GRIK2: variants seen among roughly 807,000 people sequenced by gnomAD.
GRIK2 encodes glutamate ionotropic receptor kainate type subunit 2, also known as glutamate receptor ionotropic, kainate 2.
In GRIK2, 32 loss-of-function variants were observed where a neutral mutation model predicts 100.3. That is an observed-to-expected ratio of 0.32 (90% CI 0.24 to 0.43). The LOEUF (loss-of-function observed/expected upper bound fraction) is 0.43. Ranked by LOEUF, GRIK2 falls within the 20% of genes least tolerant of loss-of-function variation. The pLI is 1.00. For synonymous variants in GRIK2, 417 were observed against 389.4 expected (o/e 1.07, Z -0.83); for missense variants, 843 against 1,114.9 (o/e 0.76, Z 3.47).
chr6:101,803,323 A>C (rs1411423426), intron 9 of GRIK2, among the ~76,000 whole-genome samples: 1 of 151,760 alleles, frequency 6.6e-6, no homozygotes, highest in African/African-American at 2.4e-5. Context: ...AGCATATTTG[A>C]ATGCTGATTC....
intron 2 of GRIK2, among the ~76,000 whole-genome samples, chr6:101,590,993 TATC>T (rs1295577587): frequency 2.0e-5 from 3 of 152,012 alleles, no homozygotes; most frequent in African/African-American, 4.8e-5. Flanking sequence ...AAAAATAAAA[TATC>T]ATCCTTTTCT....
At chr6:101,931,203 A>G (rs987346663) in intron 14 of GRIK2, among the ~76,000 whole-genome samples, 2 of 152,156 alleles carry the variant, frequency 1.3e-5, no homozygotes, top group Non-Finnish European at 2.9e-5. Flanking sequence ...AAAAAATTCT[A>G]GCAGTCTGGA....
intron 2 of GRIK2, among the ~76,000 whole-genome samples, chr6:101,578,819 T>G (rs1777908752): frequency 6.6e-6 from 1 of 152,150 alleles, no homozygotes; most frequent in African/African-American, 2.4e-5. Context: ...CAGTGAACAT[T>G]TATTGAATAT....
At chr6:101,867,171 C>A (rs1000532239) in intron 11 of GRIK2, among the ~76,000 whole-genome samples, 1 of 151,770 alleles carries the variant, frequency 6.6e-6, no homozygotes, top group South Asian at 2.1e-4. Flanking sequence ...GCCTGAATTC[C>A]TTTTACGCCC....
chr6:101,584,259 A>G (rs1778238875), intron 2 of GRIK2, among the ~76,000 whole-genome samples: 1 of 152,044 alleles, frequency 6.6e-6, no homozygotes, highest in Non-Finnish European at 1.5e-5. Flanking sequence ...AATAAGGCAA[A>G]CTTTCTCCTC....
chr6:101,407,622 C>G (rs76072422), intron 2 of GRIK2, among the ~76,000 whole-genome samples: 2,166 of 151,890 alleles, frequency 0.014, 51 homozygotes, highest in African/African-American at 0.05. Flanking sequence ...ATGTGTAGCT[C>G]TATCAGCCTC....
intron 14 of GRIK2, among the ~76,000 whole-genome samples, chr6:101,956,889 C>T (rs897725013): frequency 6.7e-6 from 1 of 149,850 alleles, no homozygotes; most frequent in African/African-American, 2.4e-5. Flanking sequence ...TTTATCGAAT[C>T]ATCAGTTGAT....
At chr6:101,707,592 G>GTATATATATATATATA (rs1451926404) in intron 7 of GRIK2, among the ~76,000 whole-genome samples, 64 of 128,120 alleles carry the variant, frequency 5.0e-4, no homozygotes, top group South Asian at 1.8e-3. Context: ...GTGTGTGTGT[G>GTATATATATATATATA]TGTATATATG....
chr6:101,791,794 G>A (rs1334821935), intron 7 of GRIK2, among the ~76,000 whole-genome samples: 1 of 151,648 alleles, frequency 6.6e-6, no homozygotes, highest in Non-Finnish European at 1.5e-5. Context: ...TCTGTCTAAT[G>A]TTGACAGTGT....
At chr6:101,429,165 A>G (rs568376855) in intron 2 of GRIK2, among the ~76,000 whole-genome samples, 9 of 152,242 alleles carry the variant, frequency 5.9e-5, no homozygotes, top group African/African-American at 2.2e-4. Context: ...TATGAACTGA[A>G]CCGGATCTTC....
At chr6:101,717,535 G>A (rs1279876288) in intron 7 of GRIK2, among the ~76,000 whole-genome samples, 2 of 151,758 alleles carry the variant, frequency 1.3e-5, no homozygotes, top group Non-Finnish European at 2.9e-5. Flanking sequence ...TTAGGAAAGA[G>A]TCACTTGTTG....
chr6:101,534,060 A>C (rs1298433730), intron 2 of GRIK2, among the ~76,000 whole-genome samples: 1 of 151,936 alleles, frequency 6.6e-6, no homozygotes, highest in Non-Finnish European at 1.5e-5. Flanking sequence ...AGGCCAAGAT[A>C]ATACAGATAT....
chr6:101,402,386 G>A (rs1355291138), intron 2 of GRIK2, among the ~76,000 whole-genome samples: 2 of 152,120 alleles, frequency 1.3e-5, no homozygotes, highest in Admixed American at 6.5e-5. Context: ...ACCCAGGAGC[G>A]TCTCTGTCCT....
chr6:101,421,557 A>G (rs954586957), intron 2 of GRIK2, among the ~76,000 whole-genome samples: 3 of 152,200 alleles, frequency 2.0e-5, no homozygotes, highest in African/African-American at 4.8e-5. Flanking sequence ...TTACTAAGAC[A>G]GTTTTCAGTC....
chr6:101,493,952 A>T (rs1773279650), intron 2 of GRIK2, among the ~76,000 whole-genome samples: 1 of 137,318 alleles, frequency 7.3e-6, no homozygotes, highest in African/African-American at 2.7e-5. Context: ...TTTATATATA[A>T]TATATATATT....
chr6:101,692,272 A>T (rs1772165458), intron 7 of GRIK2, among the ~76,000 whole-genome samples: 1 of 152,144 alleles, frequency 6.6e-6, no homozygotes. Context: ...CATTTTTTAA[A>T]TTGGTGAAGC....
At chr6:101,801,542 T>A (rs1183519274) in intron 8 of GRIK2, among the ~76,000 whole-genome samples, 3 of 151,988 alleles carry the variant, frequency 2.0e-5, no homozygotes, top group African/African-American at 7.2e-5. Flanking sequence ...TTCTTTTGGG[T>A]CTTGGTTATA....
intron 7 of GRIK2, among the ~76,000 whole-genome samples, chr6:101,792,305 A>G (rs1434837647): frequency 6.6e-6 from 1 of 151,702 alleles, no homozygotes; most frequent in Admixed American, 6.6e-5. Context: ...CCTAGTCTCG[A>G]TGGTCTTTAC....
intron 2 of GRIK2, among the ~76,000 whole-genome samples, chr6:101,468,003 C>G (rs1771746879): frequency 6.6e-6 from 1 of 151,760 alleles, no homozygotes; most frequent in South Asian, 2.1e-4. Context: ...TTCAAGTCTG[C>G]CAGCACTCTA....
Sources: gnomAD v4.1 joint callset for allele counts (sites outside exome capture counted in the v4.1 genomes callset) on GRCh38, gnomAD v4.1.1 for gene constraint, MANE v1.5 for transcripts, NCBI Gene and HGNC (gene_info 2026-07-23, HGNC 2026-07-21) for gene names.